NXNL2: variants seen among roughly 807,000 people sequenced by gnomAD.
The protein encoded by NXNL2 is nucleoredoxin-like protein 2.
NXNL2 carries 7 observed loss-of-function variants against 11.1 expected under a neutral mutation model. The ratio of observed to expected loss-of-function variants is 0.63; its 90% confidence interval spans 0.36 to 1.18. The LOEUF is 1.18. Among genes scored for constraint, NXNL2 ranks in the 50% most tolerant of loss-of-function variants. The pLI is 0.02. For missense variants in NXNL2, 233 were observed against 217.7 expected (o/e 1.07, Z -0.44); for synonymous variants, 109 against 101.8 (o/e 1.07, Z -0.42).
At chr9:88,551,977 A>G (rs947037017) in intron 1 of NXNL2, among the ~76,000 whole-genome samples, 1 of 152,180 alleles carries the variant, frequency 6.6e-6, no homozygotes, top group Non-Finnish European at 1.5e-5. Context: ...GGTAAGTTCA[A>G]TCACTCAGCA....
chr9:88,564,240 GTCTATCTA>G (rs201758132), intron 1 of NXNL2, among the ~76,000 whole-genome samples: 2 of 139,590 alleles, frequency 1.4e-5, no homozygotes, highest in Non-Finnish European at 3.0e-5. Flanking sequence ...CTCTGATGTT[GTCTATCTA>G]TCTATCTATC....
intron 1 of NXNL2, among the ~76,000 whole-genome samples, chr9:88,560,913 G>A (rs137898301): frequency 6.6e-6 from 1 of 152,264 alleles, no homozygotes; most frequent in East Asian, 1.9e-4. Flanking sequence ...ACTGCGCTGG[G>A]GGAGGAAAGA....
chr9:88,543,036 A>G (rs1283841488), intron 1 of NXNL2, among the ~76,000 whole-genome samples: 2 of 152,218 alleles, frequency 1.3e-5, no homozygotes, highest in African/African-American at 4.8e-5. Context: ...GAGTAATCCC[A>G]GTGAAGATTA....
At chr9:88,578,791 C>T (rs1455199602), downstream of NXNL2, among the ~76,000 whole-genome samples, 1 of 152,232 alleles carries the variant, frequency 6.6e-6, no homozygotes, top group Non-Finnish European at 1.5e-5. Context: ...AGACATTGTC[C>T]ACAGGCCTTT....
intron 1 of NXNL2, among the ~76,000 whole-genome samples, chr9:88,558,658 C>G (rs1372940140): frequency 6.6e-6 from 1 of 151,976 alleles, no homozygotes; most frequent in Non-Finnish European, 1.5e-5. Context: ...GGATATGACC[C>G]TACATATCCC....
downstream of NXNL2, among the ~76,000 whole-genome samples, chr9:88,577,645 GA>G: frequency 6.8e-6 from 1 of 148,034 alleles, no homozygotes; most frequent in African/African-American, 2.5e-5. Context: ...GAGAGAGAGA[GA>G]AGAGAGCGAG....
chr9:88,573,234 C>G (rs1036134598), intron 2 of NXNL2, among the ~76,000 whole-genome samples: 1 of 151,966 alleles, frequency 6.6e-6, no homozygotes, highest in Non-Finnish European at 1.5e-5. Context: ...GCCTCTACCT[C>G]CTGGGTTCAG....
chr9:88,555,905 C>T (rs925000697), intron 1 of NXNL2, among the ~76,000 whole-genome samples: 6 of 152,160 alleles, frequency 3.9e-5, no homozygotes, highest in South Asian at 2.1e-4. Context: ...CCAGTCATGC[C>T]GGCTGTTGTG....
intron 1 of NXNL2, among the ~76,000 whole-genome samples, chr9:88,554,280 A>G (rs762023582): frequency 5.3e-5 from 8 of 152,176 alleles, no homozygotes; most frequent in Non-Finnish European, 1.0e-4. Flanking sequence ...ATCTTGGCTC[A>G]CTGCAACCTC....
At position 88,535,413 on chromosome 9, in the gene NXNL2, C is replaced by T. The variant is rs746181980; in HGVS notation, c.-22C>T. On this transcript the variant is annotated 5_prime_UTR_variant, in exon 1 of 2. Coordinates refer to ENST00000375854, the MANE Select transcript of NXNL2 (RefSeq NM_001161625.2). ...TCCTCCTGCAGGTGTCCTCGGGTCTCAGGTGGCTGCGTGTCTGCGCCATGG... is the reference window on the plus strand; with the variant it reads ...TCCTCCTGCAGGTGTCCTCGGGTCTTAGGTGGCTGCGTGTCTGCGCCATGG... 6.4e-7 allele frequency: 1 copy of T among 1,572,118 alleles called. No homozygotes were observed.
At chr9:88,566,982 A>G (rs1042441976) in intron 1 of NXNL2, among the ~76,000 whole-genome samples, 1 of 143,826 alleles carries the variant, frequency 7.0e-6, no homozygotes, top group African/African-American at 2.7e-5. Flanking sequence ...TCATCTATCT[A>G]TCTATCTATC....
intron 1 of NXNL2, among the ~76,000 whole-genome samples, chr9:88,558,544 C>T (rs971343456): frequency 3.3e-5 from 5 of 152,144 alleles, no homozygotes; most frequent in Non-Finnish European, 5.9e-5. Context: ...ATGGGAACCC[C>T]TATGTATAGC....
intron 1 of NXNL2, among the ~76,000 whole-genome samples, chr9:88,564,289 C>CTATCTAT (rs1564074707): frequency 1.1e-3 from 112 of 100,224 alleles, no homozygotes; most frequent in East Asian, 2.8e-3. Flanking sequence ...TATCTATTAT[C>CTATCTAT]TATCTATCTA....
chr9:88,573,603 C>G (rs1830306225), intron 2 of NXNL2, among the ~76,000 whole-genome samples: 1 of 152,184 alleles, frequency 6.6e-6, no homozygotes, highest in South Asian at 2.1e-4. Context: ...TCATTGCACT[C>G]ACGAGCAAGT....
At chr9:88,562,046 C>T (rs531979422) in intron 1 of NXNL2, among the ~76,000 whole-genome samples, 1 of 152,300 alleles carries the variant, frequency 6.6e-6, no homozygotes, top group African/African-American at 2.4e-5. Context: ...AGCTCCATCA[C>T]CCCTCAGAAG....
At chr9:88,574,909 C>G (rs1286096866) in intron 2 of NXNL2, among the ~76,000 whole-genome samples, 1 of 152,198 alleles carries the variant, frequency 6.6e-6, no homozygotes. Context: ...CCCCACCATC[C>G]TGGGGGCATA....
At chr9:88,561,646 G>A (rs1353388642) in intron 1 of NXNL2, among the ~76,000 whole-genome samples, 2 of 152,102 alleles carry the variant, frequency 1.3e-5, no homozygotes, top group African/African-American at 2.4e-5. Context: ...GGGATACAAA[G>A]GGGCATAAAT....
intron 1 of NXNL2, among the ~76,000 whole-genome samples, chr9:88,582,658 CTCTT>C (rs959872333): frequency 7.3e-6 from 1 of 136,258 alleles, no homozygotes; most frequent in African/African-American, 2.6e-5. Context: ...CTCCCTCTCT[CTCTT>C]TCTTTCTTTC....
downstream of NXNL2, among the ~76,000 whole-genome samples, chr9:88,576,053 G>T (rs560311669): frequency 2.4e-4 from 36 of 152,286 alleles, no homozygotes; most frequent in Admixed American, 1.7e-3. Context: ...AGATTAGTTG[G>T]GTGTGGTGGT....
Sources: gnomAD v4.1 joint callset for allele counts (sites outside exome capture counted in the v4.1 genomes callset) on GRCh38, gnomAD v4.1.1 for gene constraint, MANE v1.5 for transcripts, NCBI Gene and HGNC (gene_info 2026-07-23, HGNC 2026-07-21) for gene names.